Variants in ARSG observed in about 807,000 individuals in gnomAD.
The protein encoded by ARSG is ASG.
A neutral mutation model predicts 50.5 loss-of-function variants in ARSG; 37 were observed. That is an observed-to-expected ratio of 0.73 (90% CI 0.56 to 0.96). The LOEUF (loss-of-function observed/expected upper bound fraction) is 0.96, where lower values mean the gene tolerates loss of function less well. Among genes scored for constraint, ARSG ranks in the 50% least tolerant of loss-of-function variants. ARSG has a pLI of 0.00. For synonymous variants in ARSG, 225 were observed against 254.6 expected, an observed-to-expected ratio of 0.88 and a Z score of 1.11; for missense variants, 629 against 675.3, an observed-to-expected ratio of 0.93 and a Z score of 0.76.
intron 2 of ARSG, among the ~76,000 whole-genome samples, chr17:68,311,895 G>A (rs1427124494): frequency 1.3e-5 from 2 of 149,854 alleles, no homozygotes; most frequent in Non-Finnish European, 3.0e-5. Flanking sequence ...CCACCTCCCA[G>A]GTTCAAGCGA....
upstream of ARSG, among the ~76,000 whole-genome samples, chr17:68,286,696 G>A (rs2075850259): frequency 6.6e-6 from 1 of 152,040 alleles, no homozygotes; most frequent in South Asian, 2.1e-4. Context: ...GTAGAGATGA[G>A]GTTTCAGTAT....
At chr17:68,307,885 T>C (rs1211552888) in intron 2 of ARSG, among the ~76,000 whole-genome samples, 174 bp downstream of exon 2, 2 of 152,078 alleles carry the variant, frequency 1.3e-5, no homozygotes, top group Non-Finnish European at 2.9e-5. Flanking sequence ...AATCCAGCCA[T>C]CTAGCACCCA....
chr17:68,424,567 C>T (rs1351655533), downstream of ARSG: 2 of 520,432 alleles, frequency 3.8e-6, no homozygotes, highest in African/African-American at 3.9e-5. Flanking sequence ...AGCTGATGCT[C>T]CAAGTCTTGG....
chr17:68,304,618 T>TGA (rs2076538712), intron 1 of ARSG, among the ~76,000 whole-genome samples: 1 of 152,216 alleles, frequency 6.6e-6, no homozygotes, highest in Non-Finnish European at 1.5e-5. Flanking sequence ...CAGGCCTATC[T>TGA]TTTTTACACA....
At chr17:68,434,721 T>A in the ARSG span, 1 of 1,286,328 alleles carries the variant, frequency 7.8e-7, no homozygotes, top group Non-Finnish European at 1.1e-6. Flanking sequence ...GTTTTGAACA[T>A]CTGTCTCTGA....
chr17:68,346,987 A>G, intron 3 of ARSG, 138 bp from the exon 4 acceptor site: 1 of 1,543,346 alleles, frequency 6.5e-7, no homozygotes, highest in Admixed American at 1.9e-5. Flanking sequence ...TGGCTTGTAC[A>G]CCACATTGCA....
At chr17:68,390,057 G>A (rs559053266) in intron 9 of ARSG, among the ~76,000 whole-genome samples, 65 of 151,954 alleles carry the variant, frequency 4.3e-4, no homozygotes, top group Non-Finnish European at 7.8e-4. Context: ...ATGTGATCTC[G>A]GCTCACTGCA....
intron 1 of ARSG, among the ~76,000 whole-genome samples, chr17:68,264,782 A>C (rs2075126047): frequency 6.6e-6 from 1 of 152,160 alleles, no homozygotes; most frequent in African/African-American, 2.4e-5. Flanking sequence ...GGGTAGAGAA[A>C]GTCTACATAA....
At chr17:68,354,026 T>TGTTC (rs2078920337) in intron 5 of ARSG, among the ~76,000 whole-genome samples, 4 of 115,534 alleles carry the variant, frequency 3.5e-5, no homozygotes, top group Non-Finnish European at 6.0e-5. Flanking sequence ...CTTGTTCTTT[T>TGTTC]TTTTTTTTTT....
At chr17:68,432,809 C>G in the ARSG span, among the ~76,000 whole-genome samples, 1 of 152,194 alleles carries the variant, frequency 6.6e-6, no homozygotes. Context: ...TCCTTGCCCC[C>G]CACCGTGGGG....
At chr17:68,412,727 G>T (rs984129162) in intron 11 of ARSG, among the ~76,000 whole-genome samples, 2 of 152,070 alleles carry the variant, frequency 1.3e-5, no homozygotes, top group Admixed American at 1.3e-4. Context: ...TTCCAACTTG[G>T]TTCCATTCTC....
chr17:68,262,640 G>A lies in ARSG; in HGVS notation c.-552+3214G>A, dbSNP rs373558154. ...TATGGAAAATTAAGGTGGGGGTGGC[G>A]TGTTCCAAGAGTGGAAGCAGGCAGG... On this transcript the variant is annotated intron_variant, in intron 1 of 11. Coordinates refer to the ARSG transcript ENST00000448504. Among the ~76,000 whole-genome samples the A allele has an allele frequency of 8.3e-4, 126 of 152,292 alleles. 2 individuals are homozygous for A. In the South Asian group the frequency reaches 0.014, roughly 17 times the overall value.
At chr17:68,438,663 C>T in the ARSG span, among the ~76,000 whole-genome samples, 1 of 152,216 alleles carries the variant, frequency 6.6e-6, no homozygotes, top group African/African-American at 2.4e-5. Flanking sequence ...TGCAGTGGTG[C>T]GATCTTGGCT....
In ARSG at chr17:68,392,445, C is replaced by T. The variant is rs76194715; in HGVS notation, c.1092-2628C>T. Among the ~76,000 whole-genome samples the T allele has an allele frequency of 4.3e-3, 660 of 152,268 alleles. 2 individuals carry two copies. The highest frequency in any genetic ancestry group is 6.4e-3 in the Non-Finnish European group (432 of 68,012). Reference sequence around the variant, plus strand: ...ATGGACTAAGTGTGTGTTGTTCTCTCTTTTATATTTCCGGATGCTCTCATT... The same window carrying T: ...ATGGACTAAGTGTGTGTTGTTCTCTTTTTTATATTTCCGGATGCTCTCATT... On this transcript the variant is annotated intron_variant, in intron 9 of 11. Coordinates refer to ENST00000621439, the MANE Select transcript of ARSG (RefSeq NM_001267727.2).
chr17:68,395,003 G>C, intron 9 of ARSG, 70 bp from the exon 10 acceptor site: 4 of 1,596,136 alleles, frequency 2.5e-6, no homozygotes, highest in Non-Finnish European at 2.6e-6. Flanking sequence ...GTTCAGGTGG[G>C]GGTTGACACG....
chr17:68,379,280 G>A (rs1355871872), intron 8 of ARSG, among the ~76,000 whole-genome samples: 2 of 152,050 alleles, frequency 1.3e-5, no homozygotes, highest in African/African-American at 2.4e-5. Context: ...TCACTCTGTT[G>A]CCCTGGCTGC....
chr17:68,436,989 G>A, the ARSG span, among the ~76,000 whole-genome samples: 18 of 70,214 alleles, frequency 2.6e-4, no homozygotes, highest in Non-Finnish European at 3.5e-4. Flanking sequence ...GTGAGACCCC[G>A]TCTCAAAAAA....
At chr17:68,384,043 G>T (rs762811386) in intron 8 of ARSG, among the ~76,000 whole-genome samples, 1 of 152,140 alleles carries the variant, frequency 6.6e-6, no homozygotes, top group African/African-American at 2.4e-5. Context: ...AGTACAGGGC[G>T]ACAGAAGCCT....
chr17:68,336,623 C>T (rs374291690), intron 2 of ARSG, among the ~76,000 whole-genome samples: 8 of 152,196 alleles, frequency 5.3e-5, no homozygotes, highest in African/African-American at 9.6e-5. Flanking sequence ...GAGGCCAGGG[C>T]GGGAGGATCA....
Sources: allele counts gnomAD v4.1 joint callset (sites outside exome capture counted in the v4.1 genomes callset), GRCh38; gene constraint gnomAD v4.1.1; transcripts MANE v1.5; gene names NCBI Gene and HGNC (gene_info 2026-07-23, HGNC 2026-07-21).